The following PYM1 variants were observed in gnomAD, a reference collection of about 807,000 sequenced individuals.
The protein encoded by PYM1 is partner of Y14 and mago.
In PYM1, 7 loss-of-function variants were observed where a neutral mutation model predicts 20.7. The observed-to-expected ratio is 0.34, with a 90% confidence interval of 0.19 to 0.64. The LOEUF (loss-of-function observed/expected upper bound fraction) is 0.64. PYM1 is among the 30% of genes least tolerant of loss of function. The pLI is 0.74. For synonymous variants in PYM1, 100 were observed against 99.2 expected (o/e 1.01, Z -0.05); for missense variants, 194 against 250.0 (o/e 0.78, Z 1.51).
At chr12:55,925,218 TCA>T in intron 1 of PYM1, among the ~76,000 whole-genome samples, 1 of 152,302 alleles carries the variant, frequency 6.6e-6, no homozygotes, top group Non-Finnish European at 1.5e-5. Flanking sequence ...AAGTGGCTGG[TCA>T]CAGAGGTCTA....
chr12:55,918,086 C>T (rs923138055), intron 1 of PYM1, among the ~76,000 whole-genome samples: 1 of 151,592 alleles, frequency 6.6e-6, no homozygotes, highest in African/African-American at 2.4e-5. Flanking sequence ...CAAACCTACA[C>T]ATTTTCTTTT....
intron 1 of PYM1, 193 bp downstream of exon 1, chr12:55,927,532 G>C: frequency 1.4e-6 from 1 of 724,506 alleles, no homozygotes; most frequent in Admixed American, 2.6e-5. Context: ...GAGCGGCTTG[G>C]TGACGTGGAG....
At chr12:55,910,289 A>C (rs1251670400) in intron 1 of PYM1, among the ~76,000 whole-genome samples, 2 of 143,972 alleles carry the variant, frequency 1.4e-5, no homozygotes, top group Non-Finnish European at 3.0e-5. Context: ...ATATATATAA[A>C]ATTTTTTTTG....
intron 1 of PYM1, among the ~76,000 whole-genome samples, chr12:55,912,784 G>A (rs1368104700): frequency 6.6e-6 from 1 of 151,704 alleles, no homozygotes; most frequent in African/African-American, 2.4e-5. Context: ...GGCCAACATG[G>A]AGAAACCCCA....
chr12:55,927,716 G>C lies in PYM1; in HGVS notation c.37+9C>G. 1 of 1,539,802 alleles carries C rather than the reference G, an allele frequency of 6.5e-7. No homozygotes were observed. Among genetic ancestry groups the C allele is most frequent in the Non-Finnish European group, 8.7e-7 (1 of 1,146,380 alleles). On this transcript the variant is annotated intron_variant, in intron 1 of 2. Transcript: ENST00000408946. Reference sequence around the variant, plus strand: ...GCGTGCAAGGCGGAGGGCGCCGCGGGTCGGTCACCTGTCTCCGTAGCCGCA... The same window carrying C: ...GCGTGCAAGGCGGAGGGCGCCGCGGCTCGGTCACCTGTCTCCGTAGCCGCA...
At chr12:55,923,913 T>C (rs1883143109) in intron 1 of PYM1, among the ~76,000 whole-genome samples, 1 of 151,736 alleles carries the variant, frequency 6.6e-6, no homozygotes, top group Non-Finnish European at 1.5e-5. Context: ...CTGTCTCTAC[T>C]AACAATACAA....
intron 1 of PYM1, among the ~76,000 whole-genome samples, chr12:55,925,613 C>T (rs1199149718): frequency 6.6e-6 from 1 of 152,138 alleles, no homozygotes; most frequent in African/African-American, 2.4e-5. Flanking sequence ...TAAAGTTTTA[C>T]AGAAACTGCT....
chr12:55,914,217 T>C (rs1452998169), intron 1 of PYM1: 5 of 683,284 alleles, frequency 7.3e-6, no homozygotes, highest in African/African-American at 7.1e-5. Context: ...GCTTCTTGAA[T>C]GGCCATCCTG....
chr12:55,927,769 G>A lies in PYM1; in HGVS notation c.-8C>T. The A allele has an allele frequency of 6.5e-7, 1 of 1,538,692 alleles. No homozygotes were observed. The highest frequency in any genetic ancestry group is 8.7e-7 in the Non-Finnish European group (1 of 1,146,210). On this transcript the variant is annotated 5_prime_UTR_variant, in exon 1 of 3. Coordinates refer to ENST00000408946, the MANE Select transcript of PYM1 (RefSeq NM_032345.3). ...GCTGCCGGCAGCTTCCATGGCCGAA[G>A]AGGCAGCGGACCAGGTTGGGCGGGC...
chr12:55,926,955 G>A, intron 1 of PYM1: 1 of 1,045,130 alleles, frequency 9.6e-7, no homozygotes, highest in Non-Finnish European at 1.4e-6. Flanking sequence ...AATGGGGAAG[G>A]CGGTCCGGGG....
chr12:55,908,059 C>T (rs1882856291), intron 1 of PYM1, among the ~76,000 whole-genome samples: 1 of 151,222 alleles, frequency 6.6e-6, no homozygotes, highest in African/African-American at 2.4e-5. Flanking sequence ...GCCTGGCCAA[C>T]ATGGTGAAAC....
At chr12:55,906,186 A>G (rs1325606252) in intron 1 of PYM1, among the ~76,000 whole-genome samples, 1 of 150,352 alleles carries the variant, frequency 6.7e-6, no homozygotes, top group African/African-American at 2.4e-5. Context: ...CTGCTCCATG[A>G]GAAGAAAGTT....
rs1883223764 is a variant in PYM1, at chr12:55,927,789, GC to G, written c.-29del. 6.5e-7 allele frequency: 1 copy of G among 1,536,808 alleles called. No individual in the cohort carries two copies. Among genetic ancestry groups the G allele is most frequent in the African/African-American group, 1.4e-5 (1 of 72,944 alleles). On this transcript the variant is annotated 5_prime_UTR_variant, in exon 1 of 3. Coordinates refer to ENST00000408946, the MANE Select transcript of PYM1 (RefSeq NM_032345.3). ...CCGAAGAGGCAGCGGACCAGGTTGG[GC>G]GGGCGGCCCTGGCCTGGCTCTGCCC...
intron 1 of PYM1, among the ~76,000 whole-genome samples, chr12:55,918,844 G>C (rs1043109690): frequency 6.6e-6 from 1 of 152,118 alleles, no homozygotes; most frequent in African/African-American, 2.4e-5. Context: ...CTCCAGCCTG[G>C]GCGACAGAGC....
intron 1 of PYM1, among the ~76,000 whole-genome samples, chr12:55,915,213 T>TA (rs1174981358): frequency 0.026 from 1,288 of 48,962 alleles, 188 homozygotes; most frequent in African/African-American, 0.12. Context: ...AGACTCTGCC[T>TA]AAAAAAAAAA....
chr12:55,905,867 A>C (rs1285857810), intron 1 of PYM1, among the ~76,000 whole-genome samples: 1 of 127,686 alleles, frequency 7.8e-6, no homozygotes, highest in Non-Finnish European at 1.6e-5. Context: ...TTAGATATAT[A>C]TATATCTATT....
At chr12:55,904,655 A>T (rs1262733787) in intron 1 of PYM1, among the ~76,000 whole-genome samples, 2 of 151,222 alleles carry the variant, frequency 1.3e-5, no homozygotes, top group African/African-American at 4.8e-5. Context: ...AGCAACTTAA[A>T]AGGCCATCAA....
At chr12:55,904,360 G>A (rs1882750780) in intron 1 of PYM1, among the ~76,000 whole-genome samples, 1 of 151,320 alleles carries the variant, frequency 6.6e-6, no homozygotes, top group Admixed American at 6.6e-5. Context: ...TTGGGAGGCC[G>A]AGGGGGTTGA....
intron 1 of PYM1, among the ~76,000 whole-genome samples, chr12:55,920,986 T>C (rs1883088969): frequency 6.6e-6 from 1 of 152,234 alleles, no homozygotes; most frequent in Non-Finnish European, 1.5e-5. Flanking sequence ...TGAATTAATA[T>C]TGAACAAAAA....
Sources: gnomAD v4.1 joint callset for allele counts (sites outside exome capture counted in the v4.1 genomes callset) on GRCh38, gnomAD v4.1.1 for gene constraint, MANE v1.5 for transcripts, NCBI Gene and HGNC (gene_info 2026-07-23, HGNC 2026-07-21) for gene names.